The following SCAI variants were observed in gnomAD, a reference collection of about 807,000 sequenced individuals.
SCAI encodes protein SCAI.
Under a neutral mutation model 92.2 loss-of-function variants are expected in SCAI, and 24 were observed. The observed-to-expected ratio is 0.26, with a 90% confidence interval of 0.19 to 0.37. The LOEUF (loss-of-function observed/expected upper bound fraction) is 0.37. SCAI is among the 10% of genes least tolerant of loss of function. SCAI has a pLI of 1.00. For missense variants in SCAI, 450 were observed against 736.2 expected (o/e 0.61, Z 4.50); for synonymous variants, 261 against 258.6 (o/e 1.01, Z -0.09).
intron 2 of SCAI, among the ~76,000 whole-genome samples, chr9:125,063,635 G>A (rs1223865565): frequency 2.0e-5 from 3 of 151,938 alleles, no homozygotes; most frequent in East Asian, 1.9e-4. Flanking sequence ...AAGGGAAGAA[G>A]TGTAGCTACG....
intron 2 of SCAI, among the ~76,000 whole-genome samples, chr9:125,137,410 C>T (rs1176812478): frequency 6.6e-6 from 1 of 152,188 alleles, no homozygotes; most frequent in Non-Finnish European, 1.5e-5. Context: ...TCTCTACGTG[C>T]CAGATGCTAT....
intron 4 of SCAI, 142 bp downstream of exon 4, chr9:125,029,501 TA>T: frequency 2.0e-6 from 1 of 491,694 alleles, no homozygotes; most frequent in Non-Finnish European, 3.6e-6. Flanking sequence ...TATGTTATTT[TA>T]AAAGCACCAA....
At chr9:125,000,028 A>G (rs757778220) in intron 12 of SCAI, 38 bp from the exon 13 acceptor site, 1 of 957,466 alleles carries the variant, frequency 1.0e-6, no homozygotes, top group Non-Finnish European at 1.6e-6. Context: ...ACTTCAGTTG[A>G]AGACTAACAC....
At position 125,112,034 on chromosome 9, in the gene SCAI, A is replaced by C. The variant is rs529520495; in HGVS notation, c.98+30599T>G. On this transcript the variant is annotated intron_variant, in intron 2 of 17. Transcript: ENST00000336505. Reference sequence around the variant, plus strand: ...GGAAAGAATCATCTGAGAGGATTAGAGGGAACAGTGCCTGGAAGCCTGGAA... The same window carrying C: ...GGAAAGAATCATCTGAGAGGATTAGCGGGAACAGTGCCTGGAAGCCTGGAA... 9.2e-5 allele frequency among the ~76,000 whole-genome samples: 14 copies of C among 152,306 alleles called. No homozygotes were observed. In the East Asian group the frequency reaches 2.5e-3, roughly 27 times the overall value.
At chr9:124,984,673 G>T (rs1044238415) in intron 14 of SCAI, among the ~76,000 whole-genome samples, 1 of 152,170 alleles carries the variant, frequency 6.6e-6, no homozygotes, top group Admixed American at 6.5e-5. Flanking sequence ...ATATGGAAGA[G>T]CCTAGGAATT....
chr9:125,135,981 A>C (rs549863359), intron 2 of SCAI, among the ~76,000 whole-genome samples: 104 of 151,878 alleles, frequency 6.8e-4, no homozygotes, highest in African/African-American at 2.3e-3. Flanking sequence ...CAAAAAAAAA[A>C]AAAACAAAAA....
chr9:125,032,916 C>T (rs1393903046), intron 3 of SCAI, among the ~76,000 whole-genome samples: 1 of 152,172 alleles, frequency 6.6e-6, no homozygotes, highest in Non-Finnish European at 1.5e-5. Context: ...TGCGCCCAGC[C>T]TACTAATATT....
intron 17 of SCAI, among the ~76,000 whole-genome samples, chr9:124,966,011 G>A (rs1339899174): frequency 6.6e-6 from 1 of 152,182 alleles, no homozygotes. Flanking sequence ...CTTACTGCCA[G>A]AGCAACAGGA....
At chr9:124,957,346 A>G (rs1293517145) in intron 17 of SCAI, among the ~76,000 whole-genome samples, 1 of 152,108 alleles carries the variant, frequency 6.6e-6, no homozygotes, top group African/African-American at 2.4e-5. Context: ...AAGCAACTGA[A>G]AAATGAAATA....
Position 125,116,617 on chromosome 9 carries a change from A to G in SCAI, c.98+26016T>C, listed in dbSNP as rs1269413659. On this transcript the variant is annotated intron_variant, in intron 2 of 17. Transcript: ENST00000336505. Reference sequence around the variant, plus strand: ...TTTTTACCAGTTTATAAGAACTAGGAAAAAAATCTAGGAGACAAAACCCAC... The same window carrying G: ...TTTTTACCAGTTTATAAGAACTAGGGAAAAAATCTAGGAGACAAAACCCAC... 3.9e-5 allele frequency among the ~76,000 whole-genome samples: 6 copies of G among 152,208 alleles called. No individual in the cohort carries two copies. In the East Asian group the frequency reaches 7.7e-4, roughly 20 times the overall value.
At chr9:125,086,161 A>G (rs527707728) in intron 2 of SCAI, among the ~76,000 whole-genome samples, 1 of 152,264 alleles carries the variant, frequency 6.6e-6, no homozygotes, top group Admixed American at 6.5e-5. Context: ...ATTTGTGTAC[A>G]CTCGTCATCC....
intron 9 of SCAI, among the ~76,000 whole-genome samples, chr9:125,012,164 C>T (rs1373829764): frequency 6.6e-6 from 1 of 152,154 alleles, no homozygotes; most frequent in African/African-American, 2.4e-5. Flanking sequence ...ATGACAGGAT[C>T]AAATTCACAC....
intron 2 of SCAI, among the ~76,000 whole-genome samples, chr9:125,115,600 A>G (rs1027191999): frequency 2.0e-5 from 3 of 152,176 alleles, no homozygotes; most frequent in African/African-American, 7.2e-5. Context: ...TGAATAAAGC[A>G]AACTAAAGAA....
chr9:124,996,290 AAAC>A (rs1283896166), intron 13 of SCAI, among the ~76,000 whole-genome samples: 3 of 152,034 alleles, frequency 2.0e-5, no homozygotes, highest in African/African-American at 7.2e-5. Context: ...AATTTCGAGT[AAAC>A]AACAATTTTT....
chr9:125,068,195 A>G (rs551161182), intron 2 of SCAI, among the ~76,000 whole-genome samples: 2 of 152,304 alleles, frequency 1.3e-5, no homozygotes, highest in Admixed American at 1.3e-4. Context: ...CAAGTTTTTA[A>G]TCCAGCAAAA....
At chr9:125,004,807 A>T (rs1832468891) in intron 9 of SCAI, among the ~76,000 whole-genome samples, 2 of 13,176 alleles carry the variant, frequency 1.5e-4, no homozygotes, top group Non-Finnish European at 2.1e-4. Context: ...TTTTTTTTTG[A>T]GATGGAGTTT....
intron 6 of SCAI, 102 bp from the exon 7 acceptor site, chr9:125,020,871 G>T (rs529910824): frequency 6.6e-5 from 37 of 556,460 alleles, no homozygotes; most frequent in African/African-American, 6.4e-4. Context: ...CTCCTTTTCT[G>T]CACAATTATA....
At chr9:125,014,713 C>G (rs1210895416) in intron 9 of SCAI, among the ~76,000 whole-genome samples, 1 of 152,092 alleles carries the variant, frequency 6.6e-6, no homozygotes, top group Non-Finnish European at 1.5e-5. Context: ...AAAAAGAGCC[C>G]GCATCGCCAA....
chr9:125,139,408 AAACAACAAC>A (rs144272857), intron 2 of SCAI, among the ~76,000 whole-genome samples: 3 of 152,054 alleles, frequency 2.0e-5, no homozygotes, highest in African/African-American at 7.3e-5. Flanking sequence ...CGTCTTTAAA[AAACAACAAC>A]AACAACAACA....
Sources: gnomAD v4.1 joint callset for allele counts (sites outside exome capture counted in the v4.1 genomes callset) on GRCh38, gnomAD v4.1.1 for gene constraint, MANE v1.5 for transcripts, NCBI Gene and HGNC (gene_info 2026-07-23, HGNC 2026-07-21) for gene names.